PAK3: variants seen among roughly 807,000 people sequenced by gnomAD.
PAK3 encodes p21 (RAC1) activated kinase 3.
PAK3 carries 4 observed loss-of-function variants against 41.0 expected under a neutral mutation model. The ratio of observed to expected loss-of-function variants is 0.10; its 90% confidence interval spans 0.05 to 0.22. The LOEUF is 0.22. Among genes scored for constraint, PAK3 ranks in the 10% least tolerant of loss-of-function variants. The pLI is 1.00. For missense variants in PAK3, 205 were observed against 409.9 expected (o/e 0.50, Z 4.32); for synonymous variants, 146 against 139.6 (o/e 1.05, Z -0.32).
At chrX:111,172,613 T>C (rs1036714453) in intron 10 of PAK3, among the ~76,000 whole-genome samples, 1 of 111,643 alleles carries the variant, frequency 9.0e-6, no homozygotes, top group Non-Finnish European at 1.9e-5. Flanking sequence ...GGTTTTCTTT[T>C]CTTGCATTTG....
intron 5 of PAK3, among the ~76,000 whole-genome samples, chrX:111,139,780 G>A (rs578178698): frequency 1.6e-3 from 183 of 112,266 alleles, no homozygotes; most frequent in African/African-American, 5.7e-3. Flanking sequence ...AAAGTTGGGA[G>A]AGTTTATTTG....
At chrX:111,058,449 CT>C (rs1250652635) in intron 1 of PAK3, among the ~76,000 whole-genome samples, 1 of 111,325 alleles carries the variant, frequency 9.0e-6, no homozygotes, top group Non-Finnish European at 1.9e-5. Context: ...TGTTGAATAT[CT>C]TTTTGTAGTT....
At chrX:111,171,679 T>C (rs1189937241) in intron 10 of PAK3, among the ~76,000 whole-genome samples, 1 of 111,837 alleles carries the variant, frequency 8.9e-6, no homozygotes, top group Non-Finnish European at 1.9e-5. Context: ...AGAAAGTAGA[T>C]TAGTGGTTGC....
At chrX:111,114,025 A>G (rs2093420558) in intron 4 of PAK3, among the ~76,000 whole-genome samples, 1 of 112,193 alleles carries the variant, frequency 8.9e-6, no homozygotes, top group South Asian at 3.8e-4. Context: ...CCAGTCTATC[A>G]TTGATGGACA....
chrX:111,181,558 C>A (rs2094462077), intron 11 of PAK3, among the ~76,000 whole-genome samples: 1 of 111,310 alleles, frequency 9.0e-6, no homozygotes, highest in South Asian at 3.7e-4. Context: ...TCAGACTTAT[C>A]TCTGCTACTC....
intron 1 of PAK3, among the ~76,000 whole-genome samples, chrX:111,009,815 T>C (rs777449294): frequency 8.9e-6 from 1 of 112,261 alleles, no homozygotes; most frequent in South Asian, 3.7e-4. Flanking sequence ...ATCTCATAAA[T>C]GAATCCTTAC....
chrX:111,195,763 C>G, intron 14 of PAK3, 79 bp from the exon 15 acceptor site: 1 of 666,930 alleles, frequency 1.5e-6, no homozygotes, highest in Non-Finnish European at 2.4e-6. Flanking sequence ...ATATCCCTGC[C>G]CAAAATTTAT....
At chrX:111,126,606 T>C (rs1281190859) in intron 5 of PAK3, among the ~76,000 whole-genome samples, 2 of 111,407 alleles carry the variant, frequency 1.8e-5, no homozygotes, top group African/African-American at 6.5e-5. Flanking sequence ...CTCAGTTTCA[T>C]CACCTGTTAA....
chrX:111,109,575 A>G, intron 4 of PAK3, among the ~76,000 whole-genome samples: 1 of 111,754 alleles, frequency 8.9e-6, no homozygotes, highest in Non-Finnish European at 1.9e-5. Flanking sequence ...CTCTAGTCCT[A>G]CTTCCACCCT....
At chrX:110,945,220 GGTGT>G (rs764504662) in intron 1 of PAK3, among the ~76,000 whole-genome samples, 24 of 107,944 alleles carry the variant, frequency 2.2e-4, no homozygotes, top group South Asian at 8.0e-4. Context: ...GAGTTGGAGT[GGTGT>G]GTGTGTGTGT....
At chrX:111,064,090 T>C (rs1007990036) in intron 1 of PAK3, among the ~76,000 whole-genome samples, 1 of 111,264 alleles carries the variant, frequency 9.0e-6, no homozygotes, top group African/African-American at 3.3e-5. Context: ...TGTTTACTAA[T>C]ATGAACATCA....
chrX:110,974,218 T>C (rs1338516502), intron 1 of PAK3, among the ~76,000 whole-genome samples: 1 of 111,141 alleles, frequency 9.0e-6, no homozygotes, highest in Non-Finnish European at 1.9e-5. Context: ...GCAGACCTAA[T>C]AGACATCTAC....
At chrX:111,129,583 A>G (rs1429960764) in intron 5 of PAK3, among the ~76,000 whole-genome samples, 3 of 111,459 alleles carry the variant, frequency 2.7e-5, no homozygotes, top group Admixed American at 9.5e-5. Flanking sequence ...CACTCTCCCT[A>G]TCTACCAGGG....
chrX:110,951,259 T>C (rs1282237568), intron 1 of PAK3, among the ~76,000 whole-genome samples: 1 of 112,336 alleles, frequency 8.9e-6, no homozygotes, highest in African/African-American at 3.2e-5. Context: ...GCAAATATAT[T>C]AAGCAGTTTA....
intron 1 of PAK3, among the ~76,000 whole-genome samples, chrX:110,975,745 C>T (rs184254919): frequency 4.5e-4 from 50 of 111,552 alleles, no homozygotes; most frequent in African/African-American, 1.6e-3. Context: ...CAGCATGGTA[C>T]GGGTACCAAA....
intron 1 of PAK3, among the ~76,000 whole-genome samples, chrX:110,991,941 G>T (rs1210426453): frequency 1.8e-5 from 2 of 111,299 alleles, no homozygotes; most frequent in African/African-American, 3.3e-5. Flanking sequence ...GCCCAATAGA[G>T]GTAGTATGGA....
At chrX:111,020,021 A>G (rs1175946274) in intron 1 of PAK3, among the ~76,000 whole-genome samples, 1 of 112,018 alleles carries the variant, frequency 8.9e-6, no homozygotes. Flanking sequence ...TTCCTTTAAA[A>G]ATTAAAAATA....
chrX:110,973,439 C>T (rs1002394233), intron 1 of PAK3, among the ~76,000 whole-genome samples: 2 of 111,899 alleles, frequency 1.8e-5, no homozygotes, highest in African/African-American at 6.5e-5. Flanking sequence ...AATTTCCAAC[C>T]CAGAATTTCA....
intron 11 of PAK3, among the ~76,000 whole-genome samples, chrX:111,179,445 ATACT>A (rs1233245711): frequency 4.5e-5 from 5 of 111,452 alleles, no homozygotes; most frequent in Non-Finnish European, 9.4e-5. Flanking sequence ...ACAAATTGTC[ATACT>A]TACACAAAAA....
Sources: allele counts gnomAD v4.1 joint callset (sites outside exome capture counted in the v4.1 genomes callset), GRCh38; gene constraint gnomAD v4.1.1; transcripts MANE v1.5; gene names NCBI Gene and HGNC (gene_info 2026-07-23, HGNC 2026-07-21).